WTIP: variants seen among roughly 807,000 people sequenced by gnomAD.
WTIP encodes the protein Wilms tumor protein 1-interacting protein.
WTIP carries 23 observed loss-of-function variants against 41.7 expected under a neutral mutation model. The ratio of observed to expected loss-of-function variants is 0.55; its 90% confidence interval spans 0.40 to 0.78. The LOEUF (loss-of-function observed/expected upper bound fraction) is 0.78. WTIP is among the 30% of genes least tolerant of loss of function. WTIP has a pLI of 0.00. For synonymous variants in WTIP, 314 were observed against 269.9 expected (o/e 1.16, Z -1.60); for missense variants, 619 against 610.5 (o/e 1.01, Z -0.15).
intron 2 of WTIP, among the ~76,000 whole-genome samples, chr19:34,491,582 A>G (rs771056927): frequency 5.3e-5 from 8 of 152,010 alleles, no homozygotes; most frequent in Non-Finnish European, 8.8e-5. Flanking sequence ...TTGGCCTCCC[A>G]CAGTGCTGGG....
rs953890471 is a variant in WTIP, at chr19:34,502,500, C to A, written c.*2231C>A. 1.3e-5 allele frequency: 2 copies of A among 151,424 alleles called. No homozygotes were observed. Among genetic ancestry groups the A allele is most frequent in the African/African-American group, 4.9e-5 (2 of 41,082 alleles). 9.4% of individuals were successfully genotyped at this position (151,424 alleles called of 1,614,324 possible). A position where few individuals can be genotyped will look rare whatever the true frequency, so the allele number is the denominator to read the frequency against. On this transcript the variant is annotated 3_prime_UTR_variant, in exon 8 of 8. Coordinates refer to ENST00000590071, the MANE Select transcript of WTIP (RefSeq NM_001080436.2). ...AGTGCAGTGGCGTGATCTGGGCTGA[C>A]TGCAACCTCTGCCTCCCACGTTCAA...
intron 7 of WTIP, among the ~76,000 whole-genome samples, chr19:34,498,209 C>CCCCGAG (rs1179908211): frequency 6.6e-6 from 1 of 152,166 alleles, no homozygotes; most frequent in African/African-American, 2.4e-5. Flanking sequence ...AGCATTCCAG[C>CCCCGAG]CCCGAGCCCG....
rs1254822121 is a variant in WTIP, at chr19:34,500,729, G to GTTC, written c.*461_*463dup. 6.3e-6 allele frequency: 1 copy of GTTC among 159,838 alleles called. No individual in the cohort carries two copies. The highest frequency in any genetic ancestry group is 1.4e-5 in the Non-Finnish European group (1 of 72,932). The allele number at this position is 159,838 out of a possible 1,614,324, so 9.9% of individuals were successfully genotyped here. A position where few individuals can be genotyped will look rare whatever the true frequency, so the allele number is the denominator to read the frequency against. ...AGGCGGGGCTGGCGGGGACATGGGT[G>GTTC]TTCCTGCATCTCCTAGCGCAGTTCC... On this transcript the variant is annotated 3_prime_UTR_variant, in exon 8 of 8. Transcript: ENST00000590071.
rs1303713162 is a variant in WTIP at position 34,504,041 on chromosome 19, G to C, written c.*3772G>C. 6.6e-6 allele frequency: 1 copy of C among 152,308 alleles called. No homozygotes were observed. Among genetic ancestry groups the C allele is most frequent in the Non-Finnish European group, 1.5e-5 (1 of 68,284 alleles). 9.4% of individuals were successfully genotyped at this position (152,308 alleles called of 1,614,324 possible). On this transcript the variant is annotated 3_prime_UTR_variant, in exon 8 of 8. Coordinates refer to ENST00000590071, the MANE Select transcript of WTIP (RefSeq NM_001080436.2). ...TGTGTGTGAGAGAGAGACAGGGATG[G>C]GGGGAGAGTGTGTGTATCAATGAGA...
Position 34,500,420 on chromosome 19 carries a change from C to CT in WTIP, c.*152dup. The CT allele has an allele frequency of 8.9e-7, 1 of 1,123,196 alleles. No homozygotes were observed. The highest frequency in any genetic ancestry group is 1.2e-6 in the Non-Finnish European group (1 of 825,386). 69.6% of individuals were successfully genotyped at this position (1,123,196 alleles called of 1,614,324 possible). A position where few individuals can be genotyped will look rare whatever the true frequency, so the allele number is the denominator to read the frequency against. ...GGGCCGGACCCCCGCGTGGAAGCTT[C>CT]TATTTATTCACCGTCTGTGCCTGCT... On this transcript the variant is annotated 3_prime_UTR_variant, in exon 8 of 8. Transcript: ENST00000590071.
At chr19:34,486,333 C>G (rs1430911853) in intron 1 of WTIP, among the ~76,000 whole-genome samples, 1 of 151,444 alleles carries the variant, frequency 6.6e-6, no homozygotes. Flanking sequence ...GCAGGTCTTC[C>G]TGTCACCACT....
chr19:34,495,340 T>C (rs1004051423), intron 6 of WTIP, among the ~76,000 whole-genome samples: 2 of 151,890 alleles, frequency 1.3e-5, no homozygotes, highest in Non-Finnish European at 2.9e-5. Context: ...GAGGCCGCAG[T>C]GAGCTGTGAT....
At position 34,493,418 on chromosome 19, in the gene WTIP, C is replaced by G; in HGVS notation, c.901-74C>G. ...CCCTGCTCCAGACCTGCCAGGGGTT[C>G]AGGGCCAGAGCCTCTCCCAGGGCGG... On this transcript the variant is annotated intron_variant, in intron 4 of 7. Transcript: ENST00000590071. This position sits in a 1 kb window ranked among gnomAD's most constrained non-coding sequence, Gnocchi z 4.1. 6.3e-7 allele frequency: 1 copy of G among 1,596,762 alleles called. No homozygotes were observed. Among genetic ancestry groups the G allele is most frequent in the Non-Finnish European group, 8.5e-7 (1 of 1,172,256 alleles).
chr19:34,488,530 T>C (rs918880597), intron 1 of WTIP, among the ~76,000 whole-genome samples: 5 of 151,306 alleles, frequency 3.3e-5, no homozygotes, highest in African/African-American at 4.9e-5. Flanking sequence ...CATGCCTGGA[T>C]ATTTTTAAAA....
chr19:34,510,593 C>A lies in WTIP; in HGVS notation c.*10324C>A, dbSNP rs2075929470. ...CCCTCCTTGTTACTTATGCAAATTT[C>A]TGCAGCCAGCTTGAATTTCTTCTAA... On this transcript the variant is annotated 3_prime_UTR_variant, in exon 8 of 8. Coordinates refer to ENST00000590071, the MANE Select transcript of WTIP (RefSeq NM_001080436.2). 1.3e-5 allele frequency: 2 copies of A among 152,208 alleles called. No individual in the cohort carries two copies. The highest frequency in any genetic ancestry group is 4.8e-5 in the African/African-American group (2 of 41,442). 9.4% of individuals were successfully genotyped at this position (152,208 alleles called of 1,614,324 possible). A position where few individuals can be genotyped will look rare whatever the true frequency, so the allele number is the denominator to read the frequency against.
chr19:34,497,006 GCAC>G (rs2075857841), intron 7 of WTIP, among the ~76,000 whole-genome samples: 1 of 152,128 alleles, frequency 6.6e-6, no homozygotes, highest in African/African-American at 2.4e-5. Context: ...GGGACTACAG[GCAC>G]CCACCACCAC....
At chr19:34,498,602 T>C in intron 7 of WTIP, 1 of 152,476 alleles carries the variant, frequency 6.6e-6, no homozygotes, top group Non-Finnish European at 1.5e-5. Flanking sequence ...CTGTTTTGTC[T>C]TTAAAAACCA....
At position 34,503,837 on chromosome 19, in the gene WTIP, A is replaced by G. The variant is rs2075899638; in HGVS notation, c.*3568A>G. ...TGGTCCAAGTCCAGCCTGGTTGCCT[A>G]GTGAAGGATCCACAGTGGGTACATA... On this transcript the variant is annotated 3_prime_UTR_variant, in exon 8 of 8. Coordinates refer to ENST00000590071, the MANE Select transcript of WTIP (RefSeq NM_001080436.2). 6.6e-6 allele frequency: 1 copy of G among 152,310 alleles called. No homozygotes were observed. The highest frequency in any genetic ancestry group is 2.1e-4 in the South Asian group (1 of 4,824). 9.4% of individuals were successfully genotyped at this position (152,310 alleles called of 1,614,324 possible).
rs116602119 is a variant in WTIP, at chr19:34,500,737, A to G, written c.*468A>G. 844 of 157,514 alleles carry G rather than the reference A, an allele frequency of 5.4e-3. 9 individuals are homozygous for G. Among genetic ancestry groups the G allele is most frequent in the African/African-American group, 0.019 (809 of 41,592 alleles). 9.8% of individuals were successfully genotyped at this position (157,514 alleles called of 1,614,324 possible). On this transcript the variant is annotated 3_prime_UTR_variant, in exon 8 of 8. Transcript: ENST00000590071. ...CTGGCGGGGACATGGGTGTTCCTGC[A>G]TCTCCTAGCGCAGTTCCTGCTGGTG... is the stretch of plus-strand genomic sequence containing the variant.
Position 34,510,823 on chromosome 19 carries a change from C to T in WTIP, c.*10554C>T, listed in dbSNP as rs2061357916. The T allele has an allele frequency of 6.6e-6, 1 of 152,220 alleles. No individual in the cohort carries two copies. The highest frequency in any genetic ancestry group is 2.4e-5 in the African/African-American group (1 of 41,434). The allele number at this position is 152,220 out of a possible 1,614,324, so 9.4% of individuals were successfully genotyped here. On this transcript the variant is annotated 3_prime_UTR_variant, in exon 8 of 8. Coordinates refer to ENST00000590071, the MANE Select transcript of WTIP (RefSeq NM_001080436.2). ...TCTCTAGGGCAGGGGCAAAATGCCG[C>T]CAATCTCTTTGCTTAAACATAACAA...
rs775342807 is a variant in WTIP at position 34,500,284 on chromosome 19, G to A, written c.*15G>A. 8.8e-6 allele frequency: 14 copies of A among 1,596,994 alleles called. No individual in the cohort carries two copies. The highest frequency in any genetic ancestry group is 1.7e-5 in the Admixed American group (1 of 58,882). ...CTGAGCTCTGAGCAGGGGAAAACCCGTCCCTGGGCCGGGGTGGGTGTGGGT... is the reference window on the plus strand; with the variant it reads ...CTGAGCTCTGAGCAGGGGAAAACCCATCCCTGGGCCGGGGTGGGTGTGGGT... On this transcript the variant is annotated 3_prime_UTR_variant, in exon 8 of 8. Transcript: ENST00000590071.
At position 34,502,112 on chromosome 19, in the gene WTIP, G is replaced by A. The variant is rs12459349; in HGVS notation, c.*1843G>A. ...TGGGACTACAGGCGCACGCCACCACGCCCGGCTAATTTTGTATTTTTAGTA... is the reference window on the plus strand; with the variant it reads ...TGGGACTACAGGCGCACGCCACCACACCCGGCTAATTTTGTATTTTTAGTA... On this transcript the variant is annotated 3_prime_UTR_variant, in exon 8 of 8. Coordinates refer to ENST00000590071, the MANE Select transcript of WTIP (RefSeq NM_001080436.2). 0.058 allele frequency: 8,849 copies of A among 152,224 alleles called. 427 individuals are homozygous for A. The highest frequency in any genetic ancestry group is 0.15 in the Admixed American group (2,348 of 15,240). 9.4% of individuals were successfully genotyped at this position (152,224 alleles called of 1,614,324 possible).
chr19:34,510,705 T>A lies in WTIP; in HGVS notation c.*10436T>A, dbSNP rs1189906685. On this transcript the variant is annotated 3_prime_UTR_variant, in exon 8 of 8. Coordinates refer to ENST00000590071, the MANE Select transcript of WTIP (RefSeq NM_001080436.2). ...TTTCCCTTTTAAAATGGAATGTTTTTAAACCCAAGTCACCTCTTGAACGCT... is the reference window on the plus strand; with the variant it reads ...TTTCCCTTTTAAAATGGAATGTTTTAAAACCCAAGTCACCTCTTGAACGCT... 1 of 152,242 alleles carries A rather than the reference T, an allele frequency of 6.6e-6. No homozygotes were observed. 9.4% of individuals were successfully genotyped at this position (152,242 alleles called of 1,614,324 possible).
At position 34,500,565 on chromosome 19, in the gene WTIP, C is replaced by T. The variant is rs2075879996; in HGVS notation, c.*296C>T. On this transcript the variant is annotated 3_prime_UTR_variant, in exon 8 of 8. Coordinates refer to ENST00000590071, the MANE Select transcript of WTIP (RefSeq NM_001080436.2). Reference sequence around the variant, plus strand: ...TGGGTCACCAGGCTGGAGAGGGCCCCTGCCTTGGCCAGGGGTGCGAGGTGA... The same window carrying T: ...TGGGTCACCAGGCTGGAGAGGGCCCTTGCCTTGGCCAGGGGTGCGAGGTGA... The T allele has an allele frequency of 8.6e-6, 3 of 350,384 alleles. No individual in the cohort carries two copies. Among genetic ancestry groups the T allele is most frequent in the South Asian group, 8.8e-5 (1 of 11,400 alleles). 21.7% of individuals were successfully genotyped at this position (350,384 alleles called of 1,614,324 possible). A position where few individuals can be genotyped will look rare whatever the true frequency, so the allele number is the denominator to read the frequency against.
Sources: allele counts gnomAD v4.1 joint callset (sites outside exome capture counted in the v4.1 genomes callset), GRCh38; gene constraint gnomAD v4.1.1; non-coding constraint Gnocchi (gnomAD v3.1); transcripts MANE v1.5; gene names NCBI Gene and HGNC (gene_info 2026-07-23, HGNC 2026-07-21).